MAD1L1: variants seen among roughly 807,000 people sequenced by gnomAD.
The protein encoded by MAD1L1 is mitotic spindle assembly checkpoint protein MAD1.
MAD1L1 carries 95 observed loss-of-function variants against 96.9 expected under a neutral mutation model. The ratio of observed to expected loss-of-function variants is 0.98; its 90% CI spans 0.83 to 1.16. The LOEUF is 1.16. Among genes scored for constraint, MAD1L1 ranks in the 50% most tolerant of loss-of-function variants. MAD1L1 has a pLI of 0.00. For synonymous variants in MAD1L1, 473 were observed against 396.6 expected (o/e 1.19, Z -2.29); for missense variants, 1,007 against 954.4 (o/e 1.06, Z -0.73).
chr7:2,073,504 G>T (rs1426236843), intron 11 of MAD1L1, among the ~76,000 whole-genome samples: 2 of 152,186 alleles, frequency 1.3e-5, no homozygotes, highest in Non-Finnish European at 2.9e-5. Context: ...ACTGACTTCA[G>T]ATGGTCTTTG....
At position 2,162,130 on chromosome 7, in the gene MAD1L1, G is replaced by A. The variant is rs903064996; in HGVS notation, c.987-12892C>T. Among the ~76,000 whole-genome samples, 7 of 151,742 alleles carry A rather than the reference G, an allele frequency of 4.6e-5. 1 individual carries two copies. In the South Asian group the frequency reaches 1.0e-3, roughly 23 times the overall value. The stretch of plus-strand genomic sequence containing the variant: ...GAGAACGGGCCATGATGAGGATGGC[G>A]GTTTTGTCGAATAGAAAAGGGGGAA... On this transcript the variant is annotated intron_variant, in intron 10 of 18. Coordinates refer to ENST00000265854, the MANE Select transcript of MAD1L1 (RefSeq NM_001013836.2).
chr7:1,970,745 T>G (rs559494492), intron 15 of MAD1L1, among the ~76,000 whole-genome samples: 2 of 152,218 alleles, frequency 1.3e-5, no homozygotes, highest in East Asian at 3.8e-4. Flanking sequence ...GACGGTGGCA[T>G]CTGGTGGGGG....
chr7:2,088,343 T>A lies in MAD1L1; in HGVS notation c.1074-19005A>T, dbSNP rs73032345. 1.3e-5 allele frequency among the ~76,000 whole-genome samples: 2 copies of A among 152,100 alleles called. No individual in the cohort carries two copies. Among genetic ancestry groups the A allele is most frequent in the African/African-American group, 4.8e-5 (2 of 41,420 alleles). On this transcript the variant is annotated intron_variant, in intron 11 of 18. Transcript: ENST00000265854. The surrounding 1 kb of genome is among the most constrained non-coding windows in gnomAD (Gnocchi z 4.4). ...CCAGCACGGTGGTCTCGTGCTACCC[T>A]GGTTCCGTGTCGGCGCCAGCCCTCC... is the stretch of plus-strand genomic sequence containing the variant.
At chr7:2,072,324 A>G (rs1322063187) in intron 11 of MAD1L1, among the ~76,000 whole-genome samples, 2 of 152,252 alleles carry the variant, frequency 1.3e-5, no homozygotes, top group African/African-American at 4.8e-5. Context: ...ACGTGAGAGC[A>G]GAGGAAACCG....
At chr7:1,886,097 G>A (rs943562663) in intron 18 of MAD1L1, among the ~76,000 whole-genome samples, 2 of 152,228 alleles carry the variant, frequency 1.3e-5, no homozygotes, top group African/African-American at 2.4e-5. Flanking sequence ...AGACCCGTGG[G>A]CATGTTTACC....
At chr7:2,047,628 C>A (rs1355337839) in intron 12 of MAD1L1, among the ~76,000 whole-genome samples, 1 of 152,224 alleles carries the variant, frequency 6.6e-6, no homozygotes, top group Non-Finnish European at 1.5e-5. Flanking sequence ...AGCCAAAATG[C>A]ATAAAAGAAC....
Position 1,898,422 on chromosome 7 carries a change from C to A in MAD1L1, c.1808-32G>T, listed in dbSNP as rs115260549. 96 of 1,597,930 alleles carry A rather than the reference C, an allele frequency of 6.0e-5. 1 individual carries two copies. In the Middle Eastern group the frequency reaches 6.7e-3, roughly 111 times the overall value. ...GAGGGACGGAAGGAGACAGTGAGTG[C>A]GGCACCAGGCCGGAGGGGTGGGGAC... On this transcript the variant is annotated intron_variant, in intron 17 of 18. Coordinates refer to ENST00000265854, the MANE Select transcript of MAD1L1 (RefSeq NM_001013836.2).
intron 18 of MAD1L1, among the ~76,000 whole-genome samples, chr7:1,834,171 AC>A (rs1160610007): frequency 2.0e-5 from 3 of 152,220 alleles, no homozygotes; most frequent in Non-Finnish European, 2.9e-5. Context: ...GTGGGATGCC[AC>A]TAGAGCAGAA....
At chr7:2,167,740 AAC>A (rs1209874366) in intron 10 of MAD1L1, among the ~76,000 whole-genome samples, 3 of 151,740 alleles carry the variant, frequency 2.0e-5, no homozygotes, top group Non-Finnish European at 4.4e-5. Context: ...TAAAAAAAAA[AAC>A]ACAATATTTT....
intron 5 of MAD1L1, among the ~76,000 whole-genome samples, chr7:2,221,491 C>G (rs1793606735): frequency 6.6e-6 from 1 of 150,600 alleles, no homozygotes; most frequent in African/African-American, 2.4e-5. Context: ...CCGCTGCACG[C>G]CCACCCCACC....
Position 2,003,793 on chromosome 7 carries a change from T to A in MAD1L1, c.1360-1672A>T, listed in dbSNP as rs141472988. 3.8e-3 allele frequency among the ~76,000 whole-genome samples: 585 copies of A among 152,266 alleles called. 5 individuals are homozygous for A. Among genetic ancestry groups the A allele is most frequent in the African/African-American group, 0.013 (536 of 41,558 alleles). On this transcript the variant is annotated intron_variant, in intron 13 of 18. Coordinates refer to ENST00000265854, the MANE Select transcript of MAD1L1 (RefSeq NM_001013836.2). ...CTAGCCACTGTCATCAGGAGGCAGG[T>A]GGCCGTGGCCACGCTGGGCTGTGTG...
intron 16 of MAD1L1, among the ~76,000 whole-genome samples, chr7:1,949,525 C>A (rs1363337069): frequency 6.6e-6 from 1 of 152,208 alleles, no homozygotes; most frequent in Admixed American, 6.5e-5. Context: ...ATGAGAGAAG[C>A]AAAGTGCTTC....
intron 18 of MAD1L1, among the ~76,000 whole-genome samples, chr7:1,871,367 C>A (rs113738103): frequency 4.0e-5 from 5 of 125,192 alleles, no homozygotes; most frequent in South Asian, 5.8e-4. Flanking sequence ...CCAACATATG[C>A]CTGCCACGCT....
chr7:2,036,872 G>A (rs1282868877), intron 12 of MAD1L1, among the ~76,000 whole-genome samples: 2 of 152,082 alleles, frequency 1.3e-5, no homozygotes, highest in Admixed American at 6.5e-5. Context: ...GTGGGAGGTG[G>A]TCAGCTAGAT....
chr7:1,958,844 T>C (rs955716963), intron 15 of MAD1L1, among the ~76,000 whole-genome samples: 1 of 152,188 alleles, frequency 6.6e-6, no homozygotes, highest in Middle Eastern at 3.4e-3. Flanking sequence ...GAGACACAGG[T>C]AGAAGTGGAA....
At chr7:2,184,996 C>T (rs1791390311) in intron 10 of MAD1L1, among the ~76,000 whole-genome samples, 1 of 152,084 alleles carries the variant, frequency 6.6e-6, no homozygotes, top group South Asian at 2.1e-4. Flanking sequence ...GAGTGAAACT[C>T]CATCTCAAAA....
At chr7:2,167,524 G>A (rs183929049) in intron 10 of MAD1L1, among the ~76,000 whole-genome samples, 117 of 152,056 alleles carry the variant, frequency 7.7e-4, no homozygotes, top group African/African-American at 2.6e-3. Context: ...ACTCCAGCCT[G>A]GGCAACAGAG....
At chr7:2,096,898 G>A (rs1039996691) in intron 11 of MAD1L1, among the ~76,000 whole-genome samples, 18 of 152,272 alleles carry the variant, frequency 1.2e-4, no homozygotes, top group Admixed American at 5.2e-4. Flanking sequence ...GTGACCCCCG[G>A]CCAGCAGGTC....
intron 11 of MAD1L1, among the ~76,000 whole-genome samples, chr7:2,098,090 C>T (rs1174160396): frequency 5.9e-5 from 9 of 152,186 alleles, no homozygotes; most frequent in Admixed American, 5.9e-4. Context: ...TCTGTCTTCT[C>T]GGGGCACAGA....
Sources: gnomAD v4.1 joint callset for allele counts (sites outside exome capture counted in the v4.1 genomes callset) on GRCh38, gnomAD v4.1.1 for gene constraint, Gnocchi (gnomAD v3.1) non-coding constraint, MANE v1.5 for transcripts, NCBI Gene and HGNC (gene_info 2026-07-23, HGNC 2026-07-21) for gene names.